The following FRY variants were observed in gnomAD, a reference collection of about 807,000 sequenced individuals.
FRY encodes the protein FRY microtubule binding protein.
Under a neutral mutation model 348.4 loss-of-function variants are expected in FRY, and 128 were observed. The observed-to-expected ratio is 0.37, with a 90% CI of 0.32 to 0.43. The LOEUF (loss-of-function observed/expected upper bound fraction) is 0.43. FRY is among the 20% of genes least tolerant of loss of function. The pLI, the probability that FRY is intolerant of heterozygous loss-of-function variation, is 1.00. For missense variants in FRY, 2,736 were observed against 3,695.2 expected, an observed-to-expected ratio of 0.74 and a Z score of 6.73; for synonymous variants, 1,370 against 1,374.7, an observed-to-expected ratio of 1.00 and a Z score of 0.08.
chr13:32,267,853 G>A (rs1887997719), intron 55 of FRY, among the ~76,000 whole-genome samples: 1 of 152,154 alleles, frequency 6.6e-6, no homozygotes, highest in Admixed American at 6.5e-5. Flanking sequence ...GTTGTAGCAG[G>A]TTGCTGTGCA....
intron 49 of FRY, among the ~76,000 whole-genome samples, chr13:32,250,740 C>A (rs1179211489): frequency 6.6e-6 from 1 of 152,174 alleles, no homozygotes; most frequent in African/African-American, 2.4e-5. Flanking sequence ...GGAGGACTCA[C>A]CTTCTCTCTC....
At chr13:32,197,345 A>C (rs1243023831) in intron 29 of FRY, among the ~76,000 whole-genome samples, 1 of 152,240 alleles carries the variant, frequency 6.6e-6, no homozygotes, top group African/African-American at 2.4e-5. Context: ...AATATTATCC[A>C]TCTATCAACA....
chr13:32,140,350 G>A (rs1005190073), intron 11 of FRY, among the ~76,000 whole-genome samples: 2 of 152,178 alleles, frequency 1.3e-5, no homozygotes, highest in African/African-American at 2.4e-5. Context: ...ATTCAGTTTA[G>A]TTTCAAAGTT....
intron 1 of FRY, among the ~76,000 whole-genome samples, chr13:32,046,227 C>T (rs1016800579): frequency 5.9e-5 from 9 of 152,196 alleles, no homozygotes; most frequent in African/African-American, 2.2e-4. Context: ...ACATCCCTCT[C>T]CATTTCAGTC....
Position 32,147,304 on chromosome 13 carries a change from G to C in FRY, c.1202G>C (p.Arg401Pro). ...TAGAACAAAGATCCCAAGATGGCTC[G>C]AGTTGCACTGGAATCTCTCTACAGA... Reference protein sequence around the residue: ...NLKNKDPKMARVALESLYRLL... With the variant: ...NLKNKDPKMAPVALESLYRLL... Residue 401 changes from arginine (R) to proline (P), a missense_variant, in exon 12 of 61, where the codon CGA becomes CCA. Around this residue, in one of 9 missense-constraint regions of FRY, gnomAD observed 191 missense variants for 370.2 expected, o/e 0.52. Coordinates refer to ENST00000542859, the MANE Select transcript of FRY (RefSeq NM_023037.3). 1 of 1,609,388 alleles carries C rather than the reference G, an allele frequency of 6.2e-7. No homozygotes were observed. Among genetic ancestry groups the C allele is most frequent in the South Asian group, 1.1e-5 (1 of 90,936 alleles).
rs375111458 is a variant in FRY at position 32,186,432 on chromosome 13, T to C, written c.3480+12T>C. The C allele has an allele frequency of 5.2e-6, 8 of 1,549,008 alleles. No individual in the cohort carries two copies. Among genetic ancestry groups the C allele is most frequent in the Non-Finnish European group, 7.1e-6 (8 of 1,120,736 alleles). ...ATTGTGCATTAAAAGTAGGTGATAT[T>C]GTACTCACGAATGACTGAGTCAGAT... On this transcript the variant is annotated intron_variant, in intron 27 of 60. Transcript: ENST00000542859.
At chr13:32,167,744 T>C (rs1881822400) in intron 17 of FRY, among the ~76,000 whole-genome samples, 1 of 152,254 alleles carries the variant, frequency 6.6e-6, no homozygotes, top group Admixed American at 6.5e-5. Context: ...GCTTGTTATC[T>C]GTGGAAGCTT....
Position 32,224,226 on chromosome 13 carries a change from A to G in FRY, c.4766-9A>G, listed in dbSNP as rs1885463449. 1.9e-6 allele frequency: 3 copies of G among 1,613,398 alleles called. No individual in the cohort carries two copies. The highest frequency in any genetic ancestry group is 2.5e-6 in the Non-Finnish European group (3 of 1,179,374). ...AAAATAAAGCACAGTTGTCTTTCTC[A>G]CCCTCCAGATGATCCAATTTCTCCC... On this transcript the variant is annotated splice_polypyrimidine_tract_variant and intron_variant, in intron 36 of 60. Coordinates refer to ENST00000542859, the MANE Select transcript of FRY (RefSeq NM_023037.3).
chr13:32,090,155 T>C (rs1253801563), intron 2 of FRY, among the ~76,000 whole-genome samples: 4 of 151,810 alleles, frequency 2.6e-5, no homozygotes, highest in Non-Finnish European at 4.4e-5. Flanking sequence ...AAGACCATCC[T>C]GGCTAACACG....
Position 32,297,653 on chromosome 13 carries a change from CTACTT to C in FRY, c.*2196_*2200del, listed in dbSNP as rs1371522582. The C allele has an allele frequency of 6.6e-6, 1 of 152,202 alleles. No individual in the cohort carries two copies. The highest frequency in any genetic ancestry group is 1.5e-5 in the Non-Finnish European group (1 of 68,018). The allele number at this position is 152,202 out of a possible 1,614,324, so 9.4% of individuals were successfully genotyped here. A position where few individuals can be genotyped will look rare whatever the true frequency, so the allele number is the denominator to read the frequency against. On this transcript the variant is annotated 3_prime_UTR_variant, in exon 61 of 61. Coordinates refer to ENST00000542859, the MANE Select transcript of FRY (RefSeq NM_023037.3). ...CTTTTCCTCTATCTCTTCACCTCCT[CTACTT>C]TAAGTGGAGATGGGAAAAATTGTGT...
chr13:32,074,379 GAA>G (rs1385327798), intron 1 of FRY, among the ~76,000 whole-genome samples: 17 of 151,926 alleles, frequency 1.1e-4, no homozygotes, highest in African/African-American at 4.1e-4. Context: ...AATATAAAGA[GAA>G]GACAAATTTC....
chr13:32,151,874 A>G (rs1329717450), intron 14 of FRY, among the ~76,000 whole-genome samples: 1 of 152,238 alleles, frequency 6.6e-6, no homozygotes, highest in African/African-American at 2.4e-5. Context: ...ATTCACAGAG[A>G]ACATGATTAT....
intron 55 of FRY, among the ~76,000 whole-genome samples, chr13:32,272,927 G>A (rs960602627): frequency 2.1e-5 from 3 of 143,142 alleles, no homozygotes; most frequent in African/African-American, 7.6e-5. Context: ...TTTTTTTTTA[G>A]CAGAGACGGG....
Position 32,033,541 on chromosome 13 carries a change from TCCTAAACTCCTCTC to T in FRY, c.70+1679_70+1692del, listed in dbSNP as rs1393959627. Among the ~76,000 whole-genome samples, 3 of 152,220 alleles carry T rather than the reference TCCTAAACTCCTCTC, an allele frequency of 2.0e-5. No homozygotes were observed. The East Asian group carries it at 5.8e-4, about 29-fold the overall frequency. On this transcript the variant is annotated intron_variant, in intron 1 of 60. Coordinates refer to ENST00000542859, the MANE Select transcript of FRY (RefSeq NM_023037.3). ...ATAAAGTATATATTCTCTCCACCCTTCCTAAACTCCTCTCCCCACATACATACTTCAGGAAATGA... is the reference window on the plus strand; with the variant it reads ...ATAAAGTATATATTCTCTCCACCCTTCCCACATACATACTTCAGGAAATGA...
chr13:32,178,058 A>C, intron 20 of FRY, 119 bp from the exon 21 acceptor site: 1 of 1,028,840 alleles, frequency 9.7e-7, no homozygotes, highest in Non-Finnish European at 1.5e-6. Flanking sequence ...TCAGATTCAA[A>C]GCCAGCCCAG....
intron 2 of FRY, among the ~76,000 whole-genome samples, chr13:32,084,386 T>C (rs1013647012): frequency 2.0e-5 from 3 of 152,198 alleles, no homozygotes; most frequent in Non-Finnish European, 4.4e-5. Context: ...TCCCACCACA[T>C]ACCTTTATGA....
At chr13:32,272,166 A>C (rs761110986) in intron 55 of FRY, among the ~76,000 whole-genome samples, 1 of 152,206 alleles carries the variant, frequency 6.6e-6, no homozygotes, top group Non-Finnish European at 1.5e-5. Context: ...AATACATTTC[A>C]GACCTGCTTT....
chr13:32,051,116 ATACT>A (rs1175027568), intron 1 of FRY, among the ~76,000 whole-genome samples: 1 of 152,212 alleles, frequency 6.6e-6, no homozygotes, highest in Non-Finnish European at 1.5e-5. Flanking sequence ...ATGTAGATAC[ATACT>A]TAATTATTTC....
At chr13:32,225,095 C>A in intron 38 of FRY, 59 bp downstream of exon 38, 2 of 950,358 alleles carry the variant, frequency 2.1e-6, no homozygotes, top group Non-Finnish European at 3.5e-6. Flanking sequence ...CAGAAGTAAT[C>A]CGTAGAGATT....
Sources: allele counts gnomAD v4.1 joint callset (sites outside exome capture counted in the v4.1 genomes callset), GRCh38; gene constraint gnomAD v4.1.1; regional missense constraint gnomAD v4.1.1; transcripts MANE v1.5; gene names NCBI Gene and HGNC (gene_info 2026-07-23, HGNC 2026-07-21).